The following ZMAT4 variants were observed in gnomAD, a reference collection of about 807,000 sequenced individuals.
The protein encoded by ZMAT4 is zinc finger matrin-type 4, also known as zinc finger matrin-type protein 4.
A neutral mutation model predicts 28.7 loss-of-function variants in ZMAT4; 17 were observed. That is an observed-to-expected ratio of 0.59 (90% CI 0.41 to 0.89). The LOEUF is 0.89. ZMAT4 is among the 40% of genes least tolerant of loss of function. The pLI is 0.00. For synonymous variants in ZMAT4, 117 were observed against 109.2 expected, an observed-to-expected ratio of 1.07 and a Z score of -0.44; for missense variants, 240 against 283.8, an observed-to-expected ratio of 0.85 and a Z score of 1.11.
rs117085026 is a variant in ZMAT4 at position 40,626,271 on chromosome 8, G to A, written c.578-45010C>T. 3.0e-3 allele frequency among the ~76,000 whole-genome samples: 449 copies of A among 152,196 alleles called. 1 individual carries two copies. The highest frequency in any genetic ancestry group is 0.012 in the South Asian group (60 of 4,814). On this transcript the variant is annotated intron_variant, in intron 5 of 6. Transcript: ENST00000297737. The stretch of plus-strand genomic sequence containing the variant: ...GAAAGAGGAGCTGCCAAGGTGCCCC[G>A]GAAGTGCAGCTAGTGAGGAGAAAAC...
intron 1 of ZMAT4, among the ~76,000 whole-genome samples, chr8:40,886,738 C>CT (rs986832805): frequency 3.3e-5 from 5 of 152,024 alleles, no homozygotes; most frequent in East Asian, 1.9e-4. Flanking sequence ...ACTCTGCTCC[C>CT]TTTTTTTTCC....
At chr8:40,877,511 C>A (rs962309284) in intron 1 of ZMAT4, among the ~76,000 whole-genome samples, 1 of 152,178 alleles carries the variant, frequency 6.6e-6, no homozygotes, top group African/African-American at 2.4e-5. Flanking sequence ...TAATTCAGCA[C>A]CATGCCTGGA....
At chr8:40,663,316 G>A (rs1808278728) in intron 5 of ZMAT4, among the ~76,000 whole-genome samples, 1 of 152,096 alleles carries the variant, frequency 6.6e-6, no homozygotes, top group Admixed American at 6.5e-5. Flanking sequence ...CATTCCCAAA[G>A]CATTGTGGTT....
chr8:40,617,007 G>A (rs7827034), intron 5 of ZMAT4, among the ~76,000 whole-genome samples: 6,254 of 151,996 alleles, frequency 0.041, 410 homozygotes, highest in African/African-American at 0.14. Context: ...AGAAATAATT[G>A]GAAGTAAATT....
At chr8:40,617,794 A>G (rs1209730071) in intron 5 of ZMAT4, among the ~76,000 whole-genome samples, 1 of 152,214 alleles carries the variant, frequency 6.6e-6, no homozygotes, top group African/African-American at 2.4e-5. Context: ...TACGAAGGGC[A>G]AGATGATGTA....
intron 4 of ZMAT4, among the ~76,000 whole-genome samples, chr8:40,692,165 G>C (rs759392113): frequency 2.6e-4 from 39 of 152,144 alleles, no homozygotes; most frequent in Non-Finnish European, 5.6e-4. Flanking sequence ...CATGAACAGA[G>C]GCAGTAATAA....
At chr8:40,856,044 C>T (rs1817285692) in intron 1 of ZMAT4, among the ~76,000 whole-genome samples, 1 of 151,932 alleles carries the variant, frequency 6.6e-6, no homozygotes, top group South Asian at 2.1e-4. Context: ...GCCACAAGAC[C>T]CTCCCCCCGG....
At chr8:40,831,275 C>A (rs1816271299) in intron 1 of ZMAT4, among the ~76,000 whole-genome samples, 1 of 152,178 alleles carries the variant, frequency 6.6e-6, no homozygotes, top group South Asian at 2.1e-4. Flanking sequence ...ATTTAAAAAT[C>A]TATTTTTGTT....
At chr8:40,826,280 C>A (rs1816037331) in intron 1 of ZMAT4, among the ~76,000 whole-genome samples, 1 of 152,052 alleles carries the variant, frequency 6.6e-6, no homozygotes, top group Admixed American at 6.6e-5. Context: ...ATAAATTATT[C>A]TTTCAGGGAA....
chr8:40,631,595 T>G (rs1317736741), intron 5 of ZMAT4, among the ~76,000 whole-genome samples: 8 of 152,210 alleles, frequency 5.3e-5, no homozygotes, highest in Non-Finnish European at 1.0e-4. Context: ...TGCCTATTGT[T>G]CCATGTTTTA....
intron 2 of ZMAT4, among the ~76,000 whole-genome samples, chr8:40,811,120 C>T (rs572981852): frequency 2.2e-4 from 34 of 152,238 alleles, no homozygotes; most frequent in East Asian, 1.7e-3. Context: ...ATATACCTTA[C>T]GGTGGCTGTA....
chr8:40,748,110 C>T (rs537462632), intron 3 of ZMAT4, among the ~76,000 whole-genome samples: 23 of 151,974 alleles, frequency 1.5e-4, no homozygotes, highest in Non-Finnish European at 2.6e-4. Context: ...GCTGTAAAAC[C>T]GAGATAATAA....
At chr8:40,673,212 C>A (rs1378941442) in intron 5 of ZMAT4, among the ~76,000 whole-genome samples, 2 of 152,242 alleles carry the variant, frequency 1.3e-5, no homozygotes, top group East Asian at 1.9e-4. Context: ...AAAATGCCAC[C>A]CACTTTTCTA....
At chr8:40,833,085 G>C (rs1041248645) in intron 1 of ZMAT4, among the ~76,000 whole-genome samples, 1 of 152,160 alleles carries the variant, frequency 6.6e-6, no homozygotes, top group Non-Finnish European at 1.5e-5. Flanking sequence ...GGAGGCAAGC[G>C]GGTGGTTTTC....
rs2150564243 is a variant in ZMAT4, at chr8:40,770,917, A to G, written c.103-3187T>C. ...CTACCCTGTACCTACTGGAAATTCT[A>G]TGAGATTTGGCACAGTAATCTCACT... is the stretch of plus-strand genomic sequence containing the variant. On this transcript the variant is annotated intron_variant, in intron 2 of 6. Transcript: ENST00000297737. Among the ~76,000 whole-genome samples the G allele has an allele frequency of 1.3e-5, 2 of 152,258 alleles. 1 individual carries two copies. Among genetic ancestry groups the G allele is most frequent in the South Asian group, 4.1e-4 (2 of 4,824 alleles).
intron 4 of ZMAT4, among the ~76,000 whole-genome samples, chr8:40,692,523 A>C (rs891542928): frequency 1.4e-4 from 21 of 152,198 alleles, no homozygotes; most frequent in African/African-American, 5.1e-4. Context: ...GTTCGTGCAA[A>C]GTCTAACGCA....
At chr8:40,698,521 C>G (rs1809993088) in intron 3 of ZMAT4, among the ~76,000 whole-genome samples, 1 of 152,236 alleles carries the variant, frequency 6.6e-6, no homozygotes, top group African/African-American at 2.4e-5. Flanking sequence ...GTATATGGCC[C>G]CACAATGGCC....
At chr8:40,549,276 T>C (rs759884107) in intron 6 of ZMAT4, among the ~76,000 whole-genome samples, 1 of 152,114 alleles carries the variant, frequency 6.6e-6, no homozygotes, top group South Asian at 2.1e-4. Context: ...AGGTATTTTG[T>C]TATGGCAGCT....
chr8:40,820,118 C>T (rs1815694940), intron 2 of ZMAT4, among the ~76,000 whole-genome samples: 1 of 151,154 alleles, frequency 6.6e-6, no homozygotes, highest in Admixed American at 6.6e-5. Flanking sequence ...AAAACCCATG[C>T]ATAACATTAT....
Sources: gnomAD v4.1 joint callset for allele counts (sites outside exome capture counted in the v4.1 genomes callset) on GRCh38, gnomAD v4.1.1 for gene constraint, MANE v1.5 for transcripts, NCBI Gene and HGNC (gene_info 2026-07-23, HGNC 2026-07-21) for gene names.